CACNA2D3: variants seen among roughly 807,000 people sequenced by gnomAD.
CACNA2D3 encodes calcium voltage-gated channel auxiliary subunit alpha2delta 3.
A neutral mutation model predicts 160.6 loss-of-function variants in CACNA2D3; 60 were observed. The observed-to-expected ratio is 0.37, with a 90% CI of 0.30 to 0.46. The LOEUF is 0.46. Ranked by LOEUF, CACNA2D3 falls within the 20% of genes least tolerant of loss-of-function variation. The pLI, the probability that CACNA2D3 is intolerant of heterozygous loss-of-function variation, is 1.00. For missense variants in CACNA2D3, 1,205 were observed against 1,365.0 expected, an observed-to-expected ratio of 0.88 and a Z score of 1.85; for synonymous variants, 558 against 492.9, an observed-to-expected ratio of 1.13 and a Z score of -1.75.
chr3:54,173,675 A>G (rs1482364205), intron 2 of CACNA2D3, among the ~76,000 whole-genome samples: 1 of 152,246 alleles, frequency 6.6e-6, no homozygotes, highest in Non-Finnish European at 1.5e-5. Flanking sequence ...TGCAAAGCAC[A>G]GGTACGTCTA....
chr3:54,876,429 C>T (rs1329420330), intron 18 of CACNA2D3: 2 of 152,198 alleles, frequency 1.3e-5, no homozygotes, highest in African/African-American at 4.8e-5. Context: ...GACAGAAAGC[C>T]ACCTTCCTGT....
intron 27 of CACNA2D3, among the ~76,000 whole-genome samples, chr3:54,967,274 C>T (rs1702175691): frequency 6.6e-6 from 1 of 152,182 alleles, no homozygotes; most frequent in Non-Finnish European, 1.5e-5. Flanking sequence ...AGGGTAACAA[C>T]AGCCCAAGAC....
intron 3 of CACNA2D3, among the ~76,000 whole-genome samples, chr3:54,364,651 A>G (rs1390921868): frequency 6.6e-6 from 1 of 152,246 alleles, no homozygotes; most frequent in Non-Finnish European, 1.5e-5. Flanking sequence ...AGACTTTTGA[A>G]GTAAGACCGT....
chr3:54,461,465 G>T (rs1404201156), intron 4 of CACNA2D3, among the ~76,000 whole-genome samples: 4 of 151,294 alleles, frequency 2.6e-5, no homozygotes, highest in Non-Finnish European at 5.9e-5. Flanking sequence ...CCTGTTATTG[G>T]TCTATTCAGA....
intron 11 of CACNA2D3, among the ~76,000 whole-genome samples, chr3:54,713,217 C>T (rs589281): frequency 0.36 from 54,035 of 152,078 alleles, 10,585 homozygotes; most frequent in East Asian, 0.49. Flanking sequence ...CTACTTTGCT[C>T]ACTGCTAGAA....
chr3:54,341,163 C>T (rs889000289), intron 3 of CACNA2D3, among the ~76,000 whole-genome samples: 1 of 152,216 alleles, frequency 6.6e-6, no homozygotes, highest in Non-Finnish European at 1.5e-5. Flanking sequence ...TGAGCTAATA[C>T]TTCTCCTATG....
chr3:54,605,371 T>A (rs555660399), intron 9 of CACNA2D3, among the ~76,000 whole-genome samples: 2 of 152,218 alleles, frequency 1.3e-5, no homozygotes, highest in Non-Finnish European at 2.9e-5. Flanking sequence ...TCACCATGCA[T>A]GATAATGGCC....
chr3:54,553,829 T>A (rs1702198247), intron 5 of CACNA2D3, among the ~76,000 whole-genome samples: 1 of 152,208 alleles, frequency 6.6e-6, no homozygotes, highest in South Asian at 2.1e-4. Context: ...TCTGATTGCC[T>A]GTCCTGGGAA....
At chr3:54,155,655 T>C (rs1014729914) in intron 2 of CACNA2D3, among the ~76,000 whole-genome samples, 27 of 152,202 alleles carry the variant, frequency 1.8e-4, no homozygotes, top group Non-Finnish European at 7.3e-5. Flanking sequence ...AAACAAGTTA[T>C]AAAGAGGAAA....
intron 12 of CACNA2D3, among the ~76,000 whole-genome samples, chr3:54,762,460 A>T (rs1423504841): frequency 6.6e-6 from 1 of 152,186 alleles, no homozygotes; most frequent in African/African-American, 2.4e-5. Flanking sequence ...TTTTAGCTTA[A>T]TGTTGAATGT....
Position 54,914,632 on chromosome 3 carries a change from G to T in CACNA2D3, c.2449+14764G>T, listed in dbSNP as rs566966382. Among the ~76,000 whole-genome samples, 5 of 152,326 alleles carry T rather than the reference G, an allele frequency of 3.3e-5. 1 individual carries two copies. In the South Asian group the frequency reaches 1.0e-3, roughly 32 times the overall value. ...TAAAAAAGAATCTGAAAGGGAAGTG[G>T]TTGATTAGGCAGCTGCTTCTCTGAA... On this transcript the variant is annotated intron_variant, in intron 27 of 37. Transcript: ENST00000474759.
intron 5 of CACNA2D3, among the ~76,000 whole-genome samples, chr3:54,511,072 G>A (rs1458582213): frequency 6.6e-6 from 1 of 152,086 alleles, no homozygotes; most frequent in African/African-American, 2.4e-5. Context: ...CAGGATTCCA[G>A]ACTCTCTGAA....
chr3:54,235,486 A>G (rs923992289), intron 2 of CACNA2D3, among the ~76,000 whole-genome samples: 7 of 152,142 alleles, frequency 4.6e-5, no homozygotes, highest in African/African-American at 1.7e-4. Context: ...CTTTTAAACA[A>G]CCAGACCTCG....
chr3:54,488,941 C>T (rs1701062956), intron 4 of CACNA2D3, among the ~76,000 whole-genome samples: 2 of 152,052 alleles, frequency 1.3e-5, no homozygotes, highest in Admixed American at 1.3e-4. Flanking sequence ...GAGCTGAATC[C>T]AAGGAGGAAC....
chr3:54,845,036 A>G (rs1698903442), intron 16 of CACNA2D3, among the ~76,000 whole-genome samples: 1 of 152,208 alleles, frequency 6.6e-6, no homozygotes, highest in African/African-American at 2.4e-5. Flanking sequence ...AAGAGACAAG[A>G]TGAAAGAGAC....
chr3:54,320,818 A>G (rs1288517014), intron 3 of CACNA2D3, among the ~76,000 whole-genome samples: 2 of 152,200 alleles, frequency 1.3e-5, no homozygotes, highest in East Asian at 1.9e-4. Context: ...GTACAGCCAT[A>G]CAACGTGGGC....
At chr3:54,252,117 A>G (rs1354463197) in intron 2 of CACNA2D3, among the ~76,000 whole-genome samples, 1 of 39,170 alleles carries the variant, frequency 2.6e-5, no homozygotes, top group Non-Finnish European at 4.4e-5. Flanking sequence ...TTTTTTTTGT[A>G]CGATACTCTC....
intron 4 of CACNA2D3, among the ~76,000 whole-genome samples, chr3:54,423,248 A>G (rs534123383): frequency 2.6e-5 from 4 of 152,342 alleles, no homozygotes; most frequent in Admixed American, 6.5e-5. Flanking sequence ...AGATTTGTGT[A>G]AGAAAATTAT....
At chr3:54,519,918 C>T (rs747059449) in intron 5 of CACNA2D3, among the ~76,000 whole-genome samples, 19 of 152,212 alleles carry the variant, frequency 1.2e-4, no homozygotes, top group Admixed American at 3.3e-4. Context: ...TGAATGGCTA[C>T]GTTAAGGCCA....
Sources: allele counts gnomAD v4.1 joint callset (sites outside exome capture counted in the v4.1 genomes callset), GRCh38; gene constraint gnomAD v4.1.1; transcripts MANE v1.5; gene names NCBI Gene and HGNC (gene_info 2026-07-23, HGNC 2026-07-21).